SLA: variants seen among roughly 807,000 people sequenced by gnomAD.
SLA encodes src-like-adapter.
A neutral mutation model predicts 30.3 loss-of-function variants in SLA; 16 were observed. The observed-to-expected ratio is 0.53, with a 90% CI of 0.36 to 0.80. The LOEUF (loss-of-function observed/expected upper bound fraction) is 0.80. SLA is among the 30% of genes least tolerant of loss of function. SLA has a pLI of 0.01. For missense variants in SLA, 310 were observed against 345.2 expected, an observed-to-expected ratio of 0.90 and a Z score of 0.81; for synonymous variants, 143 against 137.8, an observed-to-expected ratio of 1.04 and a Z score of -0.26.
chr8:133,092,838 G>A (rs929245766), intron 1 of SLA, among the ~76,000 whole-genome samples: 3 of 152,166 alleles, frequency 2.0e-5, no homozygotes, highest in African/African-American at 7.2e-5. Flanking sequence ...TTTCCACGGT[G>A]AAAAAGGTTT....
intron 1 of SLA, among the ~76,000 whole-genome samples, chr8:133,084,881 T>C (rs1363134426): frequency 6.6e-6 from 1 of 152,234 alleles, no homozygotes; most frequent in Non-Finnish European, 1.5e-5. Flanking sequence ...GTGCAGATTC[T>C]GTTTGGCACA....
rs138730085 is a variant in SLA at position 133,040,388 on chromosome 8, A to G, written c.485-258T>C. 64 of 440,918 alleles carry G rather than the reference A, an allele frequency of 1.5e-4. No homozygotes were observed. The East Asian group carries it at 2.1e-3, about 14-fold the overall frequency. The allele number at this position is 440,918 out of a possible 1,614,324, so 27.3% of individuals were successfully genotyped here. A position where few individuals can be genotyped will look rare whatever the true frequency, so the allele number is the denominator to read the frequency against. On this transcript the variant is annotated intron_variant, in intron 7 of 8. Coordinates refer to ENST00000338087, the MANE Select transcript of SLA (RefSeq NM_001045556.3). ...GAGAGAGGTTTAAGATCCAGTATCAACCAAGCTTGGGTTTGAATTTTAGCT... is the reference window on the plus strand; with the variant it reads ...GAGAGAGGTTTAAGATCCAGTATCAGCCAAGCTTGGGTTTGAATTTTAGCT...
chr8:133,091,164 T>A (rs1242839022), intron 1 of SLA, among the ~76,000 whole-genome samples: 1 of 152,232 alleles, frequency 6.6e-6, no homozygotes, highest in East Asian at 1.9e-4. Flanking sequence ...TTTGTCCTCG[T>A]CTTCATTGTT....
intron 1 of SLA, among the ~76,000 whole-genome samples, chr8:133,081,706 C>T (rs1845779400): frequency 6.8e-6 from 1 of 146,644 alleles, no homozygotes; most frequent in African/African-American, 2.5e-5. Context: ...CCCACTGCCT[C>T]CACATCGGGG....
chr8:133,070,029 A>AAAAAAAAAAAAAAC lies in SLA; in HGVS notation c.-41+4823_-41+4824insGTTTTTTTTTTTTT, dbSNP rs376711807. Among the ~76,000 whole-genome samples, 34 of 109,796 alleles carry AAAAAAAAAAAAAAC rather than the reference A, an allele frequency of 3.1e-4. 7 individuals are homozygous for AAAAAAAAAAAAAAC. The highest frequency in any genetic ancestry group is 1.1e-3 in the African/African-American group (28 of 25,812). 72.0% of individuals were successfully genotyped at this position (109,796 alleles called of 152,430 possible). ...AAAAAAAAAAAAAAAAAAAAAAAGA[A>AAAAAAAAAAAAAAC]AGAAAGAAAGAAAAGAAAAGAAGAA... On this transcript the variant is annotated intron_variant, in intron 2 of 8. Transcript: ENST00000338087.
At chr8:133,042,685 T>TTTTTTTC (rs1838515531) in intron 7 of SLA, among the ~76,000 whole-genome samples, 1 of 116,886 alleles carries the variant, frequency 8.6e-6, no homozygotes, top group African/African-American at 3.8e-5. Context: ...TGTCTTTTTT[T>TTTTTTTC]TTTTTTTTTT....
chr8:133,093,147 T>TCTTTTCTTTTC (rs1564180977), intron 1 of SLA, among the ~76,000 whole-genome samples: 5 of 149,794 alleles, frequency 3.3e-5, no homozygotes, highest in African/African-American at 1.3e-4. Context: ...TTCTTTTTTT[T>TCTTTTCTTTTC]TTTTAATTTA....
In SLA at chr8:133,102,497, C is replaced by G. The variant is rs916557693; in HGVS notation, c.-319+56G>C. 2.6e-5 allele frequency: 39 copies of G among 1,520,090 alleles called. No individual in the cohort carries two copies. In the South Asian group the frequency reaches 4.3e-4, roughly 17 times the overall value. 94.2% of individuals were successfully genotyped at this position (1,520,090 alleles called of 1,614,324 possible). A position where few individuals can be genotyped will look rare whatever the true frequency, so the allele number is the denominator to read the frequency against. ...GAAGACCCTCCCCCACATACCACCC[C>G]AGGCCACCTATGGCCCACCCAGGGG... On this transcript the variant is annotated intron_variant, in intron 1 of 8. Transcript: ENST00000338087.
intron 2 of SLA, among the ~76,000 whole-genome samples, chr8:133,067,094 T>C (rs1427932169): frequency 1.3e-5 from 2 of 152,008 alleles, no homozygotes; most frequent in African/African-American, 4.8e-5. Flanking sequence ...TCAGGAAAAA[T>C]AAGAGCTGGC....
At chr8:133,091,065 A>G (rs1288133125) in intron 1 of SLA, among the ~76,000 whole-genome samples, 4 of 152,186 alleles carry the variant, frequency 2.6e-5, no homozygotes, top group African/African-American at 9.7e-5. Context: ...GTTGTTACCC[A>G]GCTCCTGGGA....
At chr8:133,066,864 C>T (rs1473032065) in intron 2 of SLA, among the ~76,000 whole-genome samples, 5 of 152,170 alleles carry the variant, frequency 3.3e-5, no homozygotes, top group South Asian at 2.1e-4. Flanking sequence ...AGCTAGATCC[C>T]GTGCAGGGGC....
chr8:133,065,056 T>C (rs1324046521), intron 2 of SLA, among the ~76,000 whole-genome samples: 2 of 152,194 alleles, frequency 1.3e-5, no homozygotes, highest in Non-Finnish European at 2.9e-5. Context: ...CTGCAAAGTG[T>C]GACAGCTATA....
chr8:133,041,762 G>A (rs1471796974), intron 7 of SLA, among the ~76,000 whole-genome samples: 1 of 151,114 alleles, frequency 6.6e-6, no homozygotes, highest in African/African-American at 2.4e-5. Context: ...ATCTCATTGA[G>A]GCCTTGATCA....
intron 2 of SLA, among the ~76,000 whole-genome samples, chr8:133,064,351 A>G (rs1210106190): frequency 6.6e-6 from 1 of 152,258 alleles, no homozygotes; most frequent in East Asian, 1.9e-4. Context: ...TTTGTGTGCT[A>G]CAGGATCAAG....
chr8:133,062,122 T>C (rs1842449793), intron 2 of SLA, among the ~76,000 whole-genome samples: 1 of 152,166 alleles, frequency 6.6e-6, no homozygotes, highest in South Asian at 2.1e-4. Flanking sequence ...ATCCCATCCT[T>C]TTTGGATCCT....
rs58739514 is a variant in SLA, at chr8:133,042,678, C to CTTTTTTTTTTTTTTTT, written c.484+2290_484+2305dup. On this transcript the variant is annotated intron_variant, in intron 7 of 8. Coordinates refer to ENST00000338087, the MANE Select transcript of SLA (RefSeq NM_001045556.3). ...GTGCACAATTCCTCTCATTCTGTGT[C>CTTTTTTTTTTTTTTTT]TTTTTTTTTTTTTTTTTTTTTTTTT... 3.2e-4 allele frequency among the ~76,000 whole-genome samples: 18 copies of CTTTTTTTTTTTTTTTT among 56,768 alleles called. 1 individual carries two copies. The highest frequency in any genetic ancestry group is 6.2e-4 in the African/African-American group (9 of 14,488). The allele number at this position is 56,768 out of a possible 152,430, so 37.2% of individuals were successfully genotyped here.
intron 1 of SLA, among the ~76,000 whole-genome samples, chr8:133,096,920 T>C (rs934814441): frequency 2.6e-5 from 4 of 152,236 alleles, no homozygotes; most frequent in African/African-American, 4.8e-5. Flanking sequence ...TTCAGTCTGC[T>C]TGAATGCACA....
At chr8:133,057,277 C>T (rs1282255925) in intron 3 of SLA, among the ~76,000 whole-genome samples, 1 of 152,072 alleles carries the variant, frequency 6.6e-6, no homozygotes, top group Non-Finnish European at 1.5e-5. Flanking sequence ...TGGAAATATG[C>T]CATTTCCTGA....
chr8:133,085,981 A>G (rs1846488418), intron 1 of SLA, among the ~76,000 whole-genome samples: 1 of 152,266 alleles, frequency 6.6e-6, no homozygotes, highest in South Asian at 2.1e-4. Flanking sequence ...AATGTTTACC[A>G]GCCAATGAGT....
Sources: gnomAD v4.1 joint callset for allele counts (sites outside exome capture counted in the v4.1 genomes callset) on GRCh38, gnomAD v4.1.1 for gene constraint, MANE v1.5 for transcripts, NCBI Gene and HGNC (gene_info 2026-07-23, HGNC 2026-07-21) for gene names.